Variants in ZNF524 observed in about 807,000 individuals in gnomAD.
The protein encoded by ZNF524 is zinc finger protein 524.
For synonymous variants in ZNF524, 194 were observed against 166.3 expected, an observed-to-expected ratio of 1.17 and a Z score of -1.28; for missense variants, 388 against 380.1, an observed-to-expected ratio of 1.02 and a Z score of -0.17.
At chr19:55,601,567 T>C (rs767172780) in intron 1 of ZNF524, 1 of 152,304 alleles carries the variant, frequency 6.6e-6, no homozygotes, top group Admixed American at 6.5e-5. Context: ...ATCGCAGATA[T>C]GTTTCCTCAT....
At chr19:55,599,871 GAAA>G (rs953357135), upstream of ZNF524, 2 of 151,304 alleles carry the variant, frequency 1.3e-5, no homozygotes, top group African/African-American at 4.9e-5. Flanking sequence ...TTGGACTAGG[GAAA>G]AAAAAAGAAA....
At position 55,602,285 on chromosome 19, in the gene ZNF524, C is replaced by G. The variant is rs746085607; in HGVS notation, c.173C>G (p.Pro58Arg). The G allele has an allele frequency of 6.3e-6, 10 of 1,589,270 alleles. No homozygotes were observed. The highest frequency in any genetic ancestry group is 2.7e-5 in the African/African-American group (2 of 74,300). ...CTCCCTCGCAAGCGGGGCCGCCCCC[C>G]CAAGTCAGGGCAGGAGCCCCCACTG... ...ASLPRKRGRP[P>R]KSGQEPPLVQ... Residue 58 changes from proline (P) to arginine (R), a missense_variant, in exon 2 of 2, where the codon CCC (proline) becomes CGC (arginine). By Grantham distance (103) the Pro-to-Arg change is moderately radical. Transcript: ENST00000301073.
In ZNF524 at chr19:55,602,177, C is replaced by A; in HGVS notation, c.65C>A (p.Ala22Asp). ...CCCGGGGAGGAAGAGAAACCTCTGG[C>A]CTTATCTCCTCCTGTTCCCCGGGGC... ...PLPGEEEKPLALSPPVPRGRR... is the reference protein window; with the variant it reads ...PLPGEEEKPLDLSPPVPRGRR... Residue 22 changes from alanine to aspartate, a missense_variant, in exon 2 of 2, where the codon GCC (alanine) becomes GAC (aspartate). Transcript: ENST00000301073. The A allele has an allele frequency of 6.2e-7, 1 of 1,604,852 alleles. No homozygotes were observed. The highest frequency in any genetic ancestry group is 8.5e-7 in the Non-Finnish European group (1 of 1,175,368).
rs975038280 is a variant in ZNF524 at position 55,602,204 on chromosome 19, G to A, written c.92G>A (p.Arg31His). 10 of 1,612,098 alleles carry A rather than the reference G, an allele frequency of 6.2e-6. No individual in the cohort carries two copies. Among genetic ancestry groups the A allele is most frequent in the East Asian group, 4.5e-5 (2 of 44,878 alleles). ...LALSPPVPRGRRGRRPGGATS... is the reference protein window; with the variant it reads ...LALSPPVPRGHRGRRPGGATS... ...TTATCTCCTCCTGTTCCCCGGGGCC[G>A]CCGAGGCCGTCGTCCTGGGGGAGCC... is the stretch of plus-strand genomic sequence containing the variant. Residue 31 changes from arginine to histidine, a missense_variant, in exon 2 of 2, where the codon CGC becomes CAC. Transcript: ENST00000301073.
rs1197980215 is a variant in ZNF524, at chr19:55,602,739, G to A, written c.627G>A (p.Glu209=). Residue 209 remains glutamate, a synonymous_variant, in exon 2 of 2, where the codon GAG becomes GAA. Coordinates refer to ENST00000301073, the MANE Select transcript of ZNF524 (RefSeq NM_153219.4). ...QCPICRLRFT[E]ANTLRRHAKR... ...CCATCTGCCGGCTGCGCTTTACAGA[G>A]GCCAACACGCTCCGGCGCCATGCGA... is the stretch of plus-strand genomic sequence containing the variant. The A allele has an allele frequency of 6.2e-7, 1 of 1,607,538 alleles. No homozygotes were observed. Among genetic ancestry groups the A allele is most frequent in the South Asian group, 1.1e-5 (1 of 91,010 alleles).
chr19:55,602,062 T>C lies in ZNF524; in HGVS notation c.-38-13T>C. On this transcript the variant is annotated splice_polypyrimidine_tract_variant and intron_variant, in intron 1 of 1. Transcript: ENST00000301073. ...ACCCTGTGAGCACTGACTCTGCCCCTCTCTCCTCTTAGCTGGCTCCAGTGC... is the reference window on the plus strand; with the variant it reads ...ACCCTGTGAGCACTGACTCTGCCCCCCTCTCCTCTTAGCTGGCTCCAGTGC... 1 of 1,496,552 alleles carries C rather than the reference T, an allele frequency of 6.7e-7. No individual in the cohort carries two copies. Among genetic ancestry groups the C allele is most frequent in the Non-Finnish European group, 8.9e-7 (1 of 1,117,658 alleles). 92.7% of individuals were successfully genotyped at this position (1,496,552 alleles called of 1,614,324 possible). A position where few individuals can be genotyped will look rare whatever the true frequency, so the allele number is the denominator to read the frequency against.
chr19:55,601,755 G>C (rs1433167970), intron 1 of ZNF524: 1 of 168,914 alleles, frequency 5.9e-6, no homozygotes, highest in African/African-American at 2.5e-5. Flanking sequence ...CTCTCAGTTG[G>C]ACTCTATCCT....
chr19:55,602,004 G>T, intron 1 of ZNF524, 71 bp from the exon 2 acceptor site: 1 of 992,938 alleles, frequency 1.0e-6, no homozygotes. Flanking sequence ...GAGAGGGATG[G>T]GCGAGGTGTT....
chr19:55,602,057 G>A lies in ZNF524; in HGVS notation c.-38-18G>A, dbSNP rs548294487. 1.8e-5 allele frequency: 27 copies of A among 1,483,072 alleles called. No homozygotes were observed. The highest frequency in any genetic ancestry group is 2.3e-5 in the Non-Finnish European group (25 of 1,105,688). The allele number at this position is 1,483,072 out of a possible 1,614,324, so 91.9% of individuals were successfully genotyped here. ...TCTAGACCCTGTGAGCACTGACTCT[G>A]CCCCTCTCTCCTCTTAGCTGGCTCC... On this transcript the variant is annotated intron_variant, in intron 1 of 1. Coordinates refer to ENST00000301073, the MANE Select transcript of ZNF524 (RefSeq NM_153219.4).
Position 55,600,380 on chromosome 19 carries a change from C to G in ZNF524, c.-67C>G, listed in dbSNP as rs1195991062. 1.3e-5 allele frequency: 2 copies of G among 149,424 alleles called. No individual in the cohort carries two copies. Among genetic ancestry groups the G allele is most frequent in the Non-Finnish European group, 3.0e-5 (2 of 67,088 alleles). 9.3% of individuals were successfully genotyped at this position (149,424 alleles called of 1,614,324 possible). Reference sequence around the variant, plus strand: ...CCCGTTGCCCCCGCGCGCGCGCACACTCGCGAGCCCCGGCGACATGCAAAT... The same window carrying G: ...CCCGTTGCCCCCGCGCGCGCGCACAGTCGCGAGCCCCGGCGACATGCAAAT... On this transcript the variant is annotated 5_prime_UTR_variant, in exon 1 of 2. Transcript: ENST00000301073.
At chr19:55,600,650 G>A (rs1980625389) in intron 1 of ZNF524, 1 of 152,158 alleles carries the variant, frequency 6.6e-6, no homozygotes, top group African/African-American at 2.4e-5. Flanking sequence ...TCGCAGCTCG[G>A]GGGCCGATGG....
Position 55,602,893 on chromosome 19 carries a change from G to T in ZNF524, c.781G>T (p.Gly261Trp). 6.3e-7 allele frequency: 1 copy of T among 1,576,956 alleles called. No individual in the cohort carries two copies. The highest frequency in any genetic ancestry group is 1.3e-5 in the African/African-American group (1 of 74,658). ...GGAGGAGGAGGAGACAGAGGGGAAAGGGGAGCCGGCCTGACCCACACCCCC... is the reference window on the plus strand; with the variant it reads ...GGAGGAGGAGGAGACAGAGGGGAAATGGGAGCCGGCCTGACCCACACCCCC... ...AEEEEETEGK[G>W]EPA Residue 261 changes from glycine (G) to tryptophan (W), a missense_variant, in exon 2 of 2, where the codon GGG becomes TGG. Gly to Trp is a radical substitution (Grantham distance 184). Coordinates refer to ENST00000301073, the MANE Select transcript of ZNF524 (RefSeq NM_153219.4).
rs772243038 is a variant in ZNF524, at chr19:55,602,952, G to A, written c.*45G>A. ...CTCCCTGGGCCAGGTTTAGAGCAGG[G>A]AGTTTGGCTGGTGCTGGGCCTGAGC... On this transcript the variant is annotated 3_prime_UTR_variant, in exon 2 of 2. Coordinates refer to ENST00000301073, the MANE Select transcript of ZNF524 (RefSeq NM_153219.4). 1 of 1,489,314 alleles carries A rather than the reference G, an allele frequency of 6.7e-7. No homozygotes were observed. The highest frequency in any genetic ancestry group is 2.3e-5 in the Admixed American group (1 of 43,996). 92.3% of individuals were successfully genotyped at this position (1,489,314 alleles called of 1,614,324 possible). A position where few individuals can be genotyped will look rare whatever the true frequency, so the allele number is the denominator to read the frequency against.
In ZNF524 at chr19:55,600,330, C is replaced by A. The variant is rs933571175; in HGVS notation, c.-117C>A. The A allele has an allele frequency of 1.3e-5, 2 of 150,024 alleles. No individual in the cohort carries two copies. The highest frequency in any genetic ancestry group is 2.1e-4 in the South Asian group (1 of 4,856). The allele number at this position is 150,024 out of a possible 1,614,324, so 9.3% of individuals were successfully genotyped here. A position where few individuals can be genotyped will look rare whatever the true frequency, so the allele number is the denominator to read the frequency against. ...GCCGCCGAGGGGCAGGGCCCCCTCA[C>A]CCCCTCCCCTTCCCACGCGCCGGCC... On this transcript the variant is annotated 5_prime_UTR_variant, in exon 1 of 2. Coordinates refer to ENST00000301073, the MANE Select transcript of ZNF524 (RefSeq NM_153219.4).
At position 55,602,482 on chromosome 19, in the gene ZNF524, CCCTA is replaced by C. The variant is rs1568521627; in HGVS notation, c.374_377del (p.Tyr125SerfsTer14). 6.3e-7 allele frequency: 1 copy of C among 1,598,052 alleles called. No homozygotes were observed. The highest frequency in any genetic ancestry group is 1.1e-5 in the South Asian group (1 of 90,124). Reference sequence around the variant, plus strand: ...CTGCCCGGTGTGCCTGCGGGCCTTCCCCTACCTCTCCGACCTGGAGCGCCACAGC... The same window carrying C: ...CTGCCCGGTGTGCCTGCGGGCCTTCCCCTCTCCGACCTGGAGCGCCACAGC... On this transcript the variant is annotated frameshift_variant, in exon 2 of 2. Transcript: ENST00000301073. LOFTEE classifies it low-confidence loss of function (END_TRUNC).
chr19:55,600,514 G>C (rs1599997446), intron 1 of ZNF524, 106 bp downstream of exon 1: 1 of 147,982 alleles, frequency 6.8e-6, no homozygotes, highest in African/African-American at 2.5e-5. Flanking sequence ...CTGCTCCCGC[G>C]CTCGCGCCCC....
rs1228554643 is a variant in ZNF524, at chr19:55,602,253, G to A, written c.141G>A (p.Lys47=). The A allele has an allele frequency of 6.2e-7, 1 of 1,610,284 alleles. No homozygotes were observed. ...GGATSSNRTL[K]ASLPRKRGRP... is the part of the protein sequence containing the mutation. ...CCACCTCCTCAAATCGGACACTCAAGGCCTCCCTCCCTCGCAAGCGGGGCC... is the reference window on the plus strand; with the variant it reads ...CCACCTCCTCAAATCGGACACTCAAAGCCTCCCTCCCTCGCAAGCGGGGCC... The change falls in exon 2 of 2, where the codon AAG becomes AAA. Residue 47 remains lysine (K), a synonymous_variant. Transcript: ENST00000301073.
rs1980783372 is a variant in ZNF524, at chr19:55,603,013, C to T, written c.*106C>T. The T allele has an allele frequency of 1.5e-6, 2 of 1,360,898 alleles. No individual in the cohort carries two copies. The highest frequency in any genetic ancestry group is 2.0e-6 in the Non-Finnish European group (2 of 1,018,236). 84.3% of individuals were successfully genotyped at this position (1,360,898 alleles called of 1,614,324 possible). On this transcript the variant is annotated 3_prime_UTR_variant, in exon 2 of 2. Transcript: ENST00000301073. ...GGACACCCTTGTTTCCGGTGGTCTT[C>T]CCGTTGTGGGAGCAGGTGGAGGGTG...
rs757263158 is a variant in ZNF524, at chr19:55,602,801, G to C, written c.689G>C (p.Cys230Ser). The change falls in exon 2 of 2, where the codon TGT (cysteine) becomes TCT (serine). Residue 230 changes from cysteine to serine, a missense_variant. Cys to Ser is a moderately radical substitution (Grantham distance 112). Transcript: ENST00000301073. ...CCGGAGGCCATGGGGGTACCCCTGT[G>C]TGCACCAGATCCAGGGTCTGAACCG... ...KHPEAMGVPL[C>S]APDPGSEPPW... 6 of 1,611,134 alleles carry C rather than the reference G, an allele frequency of 3.7e-6. No individual in the cohort carries two copies. The African/African-American group carries it at 8.0e-5, about 21-fold the overall frequency.
Sources: gnomAD v4.1 joint callset for allele counts on GRCh38, gnomAD v4.1.1 for gene constraint, MANE v1.5 for transcripts, NCBI Gene and HGNC (gene_info 2026-07-23, HGNC 2026-07-21) for gene names.